CENPP: variants seen among roughly 807,000 people sequenced by gnomAD.
CENPP encodes centromere protein P.
Under a neutral mutation model 35.6 loss-of-function variants are expected in CENPP, and 24 were observed. The ratio of observed to expected loss-of-function variants is 0.67; its 90% confidence interval spans 0.49 to 0.95. The LOEUF (loss-of-function observed/expected upper bound fraction) is 0.95, where lower values mean the gene tolerates loss of function less well. Among genes scored for constraint, CENPP ranks in the 40% least tolerant of loss-of-function variants. The pLI is 0.00. For missense variants in CENPP, 332 were observed against 345.3 expected (o/e 0.96, Z 0.31); for synonymous variants, 120 against 125.5 (o/e 0.96, Z 0.29).
chr9:92,394,896 C>G (rs185823453), intron 5 of CENPP, among the ~76,000 whole-genome samples: 1 of 152,248 alleles, frequency 6.6e-6, no homozygotes, highest in Non-Finnish European at 1.5e-5. Context: ...TGTGAGCCAC[C>G]ACGCCCGGCC....
chr9:92,547,299 C>CTGTA (rs1243504765), intron 5 of CENPP, among the ~76,000 whole-genome samples: 2 of 152,326 alleles, frequency 1.3e-5, no homozygotes, highest in East Asian at 3.9e-4. Flanking sequence ...CAACTACTAG[C>CTGTA]TGTATCCCCA....
chr9:92,604,936 C>T (rs1245912907), intron 5 of CENPP, among the ~76,000 whole-genome samples: 2 of 152,060 alleles, frequency 1.3e-5, no homozygotes, highest in African/African-American at 4.8e-5. Context: ...CAGAATTACA[C>T]AGATTTACTC....
intron 5 of CENPP, among the ~76,000 whole-genome samples, chr9:92,450,709 C>T (rs1247285155): frequency 2.6e-5 from 4 of 152,164 alleles, no homozygotes; most frequent in African/African-American, 9.7e-5. Context: ...TACAGTCCTA[C>T]CAACAGTGTA....
chr9:92,560,428 A>G (rs893759345), intron 5 of CENPP, among the ~76,000 whole-genome samples: 2 of 152,202 alleles, frequency 1.3e-5, no homozygotes, highest in African/African-American at 2.4e-5. Flanking sequence ...CCTTTTGGAC[A>G]TGACCCAAAG....
At chr9:92,495,886 T>C (rs908839648) in intron 5 of CENPP, 5 of 982,390 alleles carry the variant, frequency 5.1e-6, no homozygotes, top group South Asian at 4.7e-5. Flanking sequence ...ACAACACTTA[T>C]TCATAAATTC....
At chr9:92,449,247 G>A (rs1046146370) in intron 5 of CENPP, among the ~76,000 whole-genome samples, 1 of 151,630 alleles carries the variant, frequency 6.6e-6, no homozygotes, top group African/African-American at 2.4e-5. Flanking sequence ...CGAGACCATC[G>A]TGGCTAACAC....
chr9:92,501,181 C>A, intron 5 of CENPP: 1 of 906,886 alleles, frequency 1.1e-6, no homozygotes, highest in Non-Finnish European at 1.6e-6. Context: ...GTGATGATTC[C>A]AAATAGGAAC....
intron 5 of CENPP, among the ~76,000 whole-genome samples, chr9:92,395,369 T>C (rs1842852325): frequency 6.6e-6 from 1 of 152,216 alleles, no homozygotes; most frequent in African/African-American, 2.4e-5. Flanking sequence ...AGTTCATTCT[T>C]CTTTATTACT....
At chr9:92,532,813 T>C (rs1004409527) in intron 5 of CENPP, among the ~76,000 whole-genome samples, 1 of 152,194 alleles carries the variant, frequency 6.6e-6, no homozygotes, top group African/African-American at 2.4e-5. Context: ...TGTGTCTATT[T>C]CGGTTGTCTC....
chr9:92,574,030 TG>T (rs1187988833), intron 5 of CENPP, among the ~76,000 whole-genome samples: 2 of 152,162 alleles, frequency 1.3e-5, no homozygotes, highest in Admixed American at 1.3e-4. Context: ...GGGAATTCCT[TG>T]ACCCCTTGCA....
chr9:92,331,727 G>A (rs1027139279), intron 1 of CENPP, among the ~76,000 whole-genome samples: 15 of 152,236 alleles, frequency 9.9e-5, no homozygotes, highest in Admixed American at 7.9e-4. Flanking sequence ...CTGGGAGACT[G>A]AGGCGGGAGG....
intron 5 of CENPP, among the ~76,000 whole-genome samples, chr9:92,479,615 A>G (rs1845841197): frequency 6.6e-6 from 1 of 152,220 alleles, no homozygotes; most frequent in African/African-American, 2.4e-5. Flanking sequence ...ACAGTTGTCC[A>G]TCCATGGCTG....
At chr9:92,377,698 A>C (rs1055165455) in intron 4 of CENPP, among the ~76,000 whole-genome samples, 1 of 152,092 alleles carries the variant, frequency 6.6e-6, no homozygotes, top group Non-Finnish European at 1.5e-5. Flanking sequence ...ATTTTGCCAA[A>C]ATTTTTTTGT....
chr9:92,328,470 CT>C (rs1840637931), intron 1 of CENPP, among the ~76,000 whole-genome samples: 1 of 152,144 alleles, frequency 6.6e-6, no homozygotes, highest in South Asian at 2.1e-4. Flanking sequence ...TGAGCTCCCC[CT>C]TTCTGTGCTT....
At chr9:92,566,812 A>C (rs148616858) in intron 5 of CENPP, among the ~76,000 whole-genome samples, 169 of 152,344 alleles carry the variant, frequency 1.1e-3, no homozygotes, top group African/African-American at 3.7e-3. Context: ...AGAATATCTG[A>C]AGAATTAATG....
At chr9:92,526,423 A>G (rs575275327) in intron 5 of CENPP, among the ~76,000 whole-genome samples, 1 of 152,318 alleles carries the variant, frequency 6.6e-6, no homozygotes, top group East Asian at 1.9e-4. Flanking sequence ...TATGGGATAC[A>G]GCAAAAGCAG....
chr9:92,500,897 G>T (rs147126273), intron 5 of CENPP: 214 of 1,614,054 alleles, frequency 1.3e-4, no homozygotes, highest in Non-Finnish European at 1.8e-4. Flanking sequence ...TAAATGACAG[G>T]TACAAGTATT....
At chr9:92,401,177 T>G (rs1404030054) in intron 5 of CENPP, 1 of 1,458,632 alleles carries the variant, frequency 6.9e-7, no homozygotes, top group African/African-American at 1.4e-5. Context: ...TTATCACAGT[T>G]TCTTTTTCCT....
rs928219836 is a variant in CENPP at position 92,614,594 on chromosome 9, C to T, written c.*1445C>T. 1 of 152,602 alleles carries T rather than the reference C, an allele frequency of 6.6e-6. No individual in the cohort carries two copies. The highest frequency in any genetic ancestry group is 2.4e-5 in the African/African-American group (1 of 41,434). The allele number at this position is 152,602 out of a possible 1,614,324, so 9.5% of individuals were successfully genotyped here. ...AACAAGTATAATTCTCAAGTTATCACAAAATTTCCCACAAAAATTTACAAT... is the reference window on the plus strand; with the variant it reads ...AACAAGTATAATTCTCAAGTTATCATAAAATTTCCCACAAAAATTTACAAT... On this transcript the variant is annotated 3_prime_UTR_variant, in exon 8 of 8. Coordinates refer to ENST00000375587, the MANE Select transcript of CENPP (RefSeq NM_001012267.3).
Sources: allele counts gnomAD v4.1 joint callset (sites outside exome capture counted in the v4.1 genomes callset), GRCh38; gene constraint gnomAD v4.1.1; transcripts MANE v1.5; gene names NCBI Gene and HGNC (gene_info 2026-07-23, HGNC 2026-07-21).